Variants in DPYS observed in about 807,000 individuals in gnomAD.
DPYS encodes dihydropyrimidinase.
A neutral mutation model predicts 50.3 loss-of-function variants in DPYS; 39 were observed. The ratio of observed to expected loss-of-function variants is 0.78; its 90% CI spans 0.60 to 1.01. The LOEUF (loss-of-function observed/expected upper bound fraction) is 1.01, where lower values mean the gene tolerates loss of function less well. Among genes scored for constraint, DPYS ranks in the 50% least tolerant of loss-of-function variants. The pLI is 0.00. For missense variants in DPYS, 659 were observed against 680.9 expected (o/e 0.97, Z 0.36); for synonymous variants, 245 against 250.7 (o/e 0.98, Z 0.22).
At chr8:104,439,746 C>T (rs1343505025) in intron 4 of DPYS, among the ~76,000 whole-genome samples, 1 of 152,170 alleles carries the variant, frequency 6.6e-6, no homozygotes, top group African/African-American at 2.4e-5. Flanking sequence ...GACTGTGCTA[C>T]TGCACTCTAG....
At chr8:104,387,410 G>C (rs1377493003) in intron 8 of DPYS, among the ~76,000 whole-genome samples, 4 of 152,172 alleles carry the variant, frequency 2.6e-5, no homozygotes, top group Non-Finnish European at 5.9e-5. Flanking sequence ...TCATTTCAGG[G>C]CTGGCTCCTC....
intron 7 of DPYS, among the ~76,000 whole-genome samples, chr8:104,409,981 A>T (rs2853160): frequency 1.3e-5 from 2 of 151,918 alleles, no homozygotes; most frequent in African/African-American, 4.8e-5. Context: ...TAGTTATTTG[A>T]GTTACTTGGG....
chr8:104,410,838 G>A (rs556242761), intron 7 of DPYS, among the ~76,000 whole-genome samples: 9 of 152,060 alleles, frequency 5.9e-5, no homozygotes, highest in South Asian at 2.1e-4. Flanking sequence ...ATTATCCCAC[G>A]ACTGTATCTT....
intron 7 of DPYS, among the ~76,000 whole-genome samples, chr8:104,405,141 A>G (rs1292723558): frequency 6.6e-6 from 1 of 152,240 alleles, no homozygotes; most frequent in Non-Finnish European, 1.5e-5. Context: ...GACTGTCCCC[A>G]CAGTGTCGGG....
At chr8:104,444,541 T>C in intron 3 of DPYS, 104 bp from the exon 4 acceptor site, 1 of 1,285,240 alleles carries the variant, frequency 7.8e-7, no homozygotes, top group South Asian at 1.3e-5. Context: ...TTTGATCTGT[T>C]AGGTATAGGG....
At chr8:104,409,339 G>C (rs1422461221) in intron 7 of DPYS, among the ~76,000 whole-genome samples, 1 of 151,942 alleles carries the variant, frequency 6.6e-6, no homozygotes, top group Admixed American at 6.5e-5. Flanking sequence ...ACAAAAATTA[G>C]CTGGGCGTGG....
rs371337808 is a variant in DPYS at position 104,439,468 on chromosome 8, A to G, written c.793+4780T>C. ...AATGTAATGCCAAAACCCAAAAACC[A>G]ATTACAATTACAAATTTTAAAACAC... On this transcript the variant is annotated intron_variant, in intron 4 of 9. Transcript: ENST00000351513. 2.6e-5 allele frequency among the ~76,000 whole-genome samples: 4 copies of G among 152,188 alleles called. No homozygotes were observed. The East Asian group carries it at 5.8e-4, about 22-fold the overall frequency.
intron 1 of DPYS, among the ~76,000 whole-genome samples, chr8:104,460,045 T>C (rs974034355): frequency 6.6e-6 from 1 of 152,220 alleles, no homozygotes; most frequent in Non-Finnish European, 1.5e-5. Context: ...TATGTGAATT[T>C]TTTTAATTTG....
intron 7 of DPYS, among the ~76,000 whole-genome samples, chr8:104,404,527 A>C (rs1811929794): frequency 6.6e-6 from 1 of 152,274 alleles, no homozygotes; most frequent in African/African-American, 2.4e-5. Context: ...GTGAATAACA[A>C]AGTAACTTCA....
intron 4 of DPYS, among the ~76,000 whole-genome samples, chr8:104,436,042 C>T (rs959244705): frequency 1.3e-5 from 2 of 152,094 alleles, no homozygotes; most frequent in African/African-American, 4.8e-5. Flanking sequence ...CTCACCCTTA[C>T]CTCTGCTGGG....
chr8:104,446,184 T>C (rs772666919), intron 3 of DPYS, among the ~76,000 whole-genome samples: 3 of 152,198 alleles, frequency 2.0e-5, no homozygotes, highest in Non-Finnish European at 2.9e-5. Context: ...GTGATTCTTA[T>C]GCATTGCAAG....
At chr8:104,393,318 A>C (rs1811462675) in intron 7 of DPYS, among the ~76,000 whole-genome samples, 2 of 152,114 alleles carry the variant, frequency 1.3e-5, no homozygotes, top group Admixed American at 6.5e-5. Context: ...TTTCATTTTT[A>C]AATTATAAAA....
At chr8:104,434,198 GTTA>G (rs1020317330) in intron 4 of DPYS, among the ~76,000 whole-genome samples, 69 of 152,182 alleles carry the variant, frequency 4.5e-4, no homozygotes, top group Admixed American at 3.3e-4. Flanking sequence ...GGTTGAAAAA[GTTA>G]TTATCGATAG....
At chr8:104,431,515 C>G (rs1229411140) in intron 4 of DPYS, among the ~76,000 whole-genome samples, 1 of 151,624 alleles carries the variant, frequency 6.6e-6, no homozygotes, top group Non-Finnish European at 1.5e-5. Flanking sequence ...TTCACTATTT[C>G]TAAGGCATTT....
chr8:104,458,646 A>G (rs1247943145), intron 1 of DPYS, among the ~76,000 whole-genome samples: 1 of 152,214 alleles, frequency 6.6e-6, no homozygotes, highest in Non-Finnish European at 1.5e-5. Flanking sequence ...GAATTTCCCT[A>G]AAAGTCACGA....
At chr8:104,382,867 C>T (rs908862740) in intron 8 of DPYS, among the ~76,000 whole-genome samples, 9 of 152,166 alleles carry the variant, frequency 5.9e-5, no homozygotes, top group African/African-American at 1.9e-4. Flanking sequence ...GAGCATGTGA[C>T]CTAACTGAGC....
At chr8:104,404,715 G>A (rs921307490) in intron 7 of DPYS, among the ~76,000 whole-genome samples, 4 of 152,254 alleles carry the variant, frequency 2.6e-5, no homozygotes, top group East Asian at 1.9e-4. Context: ...ACCATGGCCC[G>A]CAGGCCAAAT....
chr8:104,457,914 A>G lies in DPYS; in HGVS notation c.265-6510T>C, dbSNP rs186138485. On this transcript the variant is annotated intron_variant, in intron 1 of 9. Coordinates refer to ENST00000351513, the MANE Select transcript of DPYS (RefSeq NM_001385.3). ...TTCCCTGTATCCCCAAATCCAATCC[A>G]TCAACAAGACCCTGGAGGCTGTCTT... 9.6e-4 allele frequency among the ~76,000 whole-genome samples: 146 copies of G among 152,110 alleles called. 1 individual carries two copies. The highest frequency in any genetic ancestry group is 3.3e-3 in the African/African-American group (139 of 41,510).
chr8:104,396,492 A>G (rs1026146505), intron 7 of DPYS, among the ~76,000 whole-genome samples: 1 of 152,162 alleles, frequency 6.6e-6, no homozygotes. Flanking sequence ...AAGCATAACT[A>G]TTTTCCAAAG....
Sources: gnomAD v4.1 joint callset for allele counts (sites outside exome capture counted in the v4.1 genomes callset) on GRCh38, gnomAD v4.1.1 for gene constraint, MANE v1.5 for transcripts, NCBI Gene and HGNC (gene_info 2026-07-23, HGNC 2026-07-21) for gene names.